SAP130: variants seen among roughly 807,000 people sequenced by gnomAD.
SAP130 encodes Sin3A associated protein 130.
In SAP130, 16 loss-of-function variants were observed where a neutral mutation model predicts 103.2. That is an observed-to-expected ratio of 0.16 (90% CI 0.10 to 0.24). The LOEUF (loss-of-function observed/expected upper bound fraction) is 0.24, where lower values mean the gene tolerates loss of function less well. SAP130 is among the 10% of genes least tolerant of loss of function. The pLI is 1.00. For missense variants in SAP130, 990 were observed against 1,359.7 expected (o/e 0.73, Z 4.28); for synonymous variants, 477 against 497.0 (o/e 0.96, Z 0.53).
chr2:127,993,206 G>A lies in SAP130; in HGVS notation c.1458C>T (p.Ser486=), dbSNP rs945971050. The A allele has an allele frequency of 3.6e-5, 58 of 1,613,882 alleles. No homozygotes were observed. Among genetic ancestry groups the A allele is most frequent in the Non-Finnish European group, 4.6e-5 (54 of 1,179,976 alleles). The part of the protein sequence containing the change: ...HTYTPITSSV[S]TIRQYPVSAQ... ...TCATACCTGGATACTGTCGGATAGT[G>A]GACACGGAACTGGTGATTGGGGTGT... Residue 486 remains serine (S), a synonymous_variant, in exon 12 of 21, where the codon TCC becomes TCT. Coordinates refer to ENST00000643581, the MANE Select transcript of SAP130 (RefSeq NM_001330301.2).
chr2:128,003,957 CTTTTTTTTTTTTTT>C (rs61211577), intron 7 of SAP130, among the ~76,000 whole-genome samples: 8,387 of 68,384 alleles, frequency 0.12, 467 homozygotes, highest in African/African-American at 0.27. Context: ...CACAGATCAG[CTTTTTTTTTTTTTT>C]TTTTTTTTTT....
chr2:127,977,897 G>C, intron 15 of SAP130, 88 bp downstream of exon 15: 1 of 1,013,628 alleles, frequency 9.9e-7, no homozygotes, highest in Non-Finnish European at 1.5e-6. Flanking sequence ...AACCTAACAA[G>C]ACTATGTCAT....
intron 10 of SAP130, among the ~76,000 whole-genome samples, chr2:127,999,008 A>G (rs542835972): frequency 7.2e-5 from 11 of 152,250 alleles, no homozygotes; most frequent in Non-Finnish European, 1.5e-4. Flanking sequence ...TACAAACAAA[A>G]CAAACTTCTT....
chr2:128,001,231 A>G (rs963389045), intron 7 of SAP130, among the ~76,000 whole-genome samples: 3 of 152,224 alleles, frequency 2.0e-5, no homozygotes, highest in Non-Finnish European at 4.4e-5. Flanking sequence ...ACAGTATAAC[A>G]AAGTTGGCTA....
At chr2:128,010,165 A>G (rs1381104434) in intron 7 of SAP130, 104 bp downstream of exon 7, 17 of 1,304,868 alleles carry the variant, frequency 1.3e-5, no homozygotes, top group Non-Finnish European at 1.8e-5. Flanking sequence ...TTATAAAAAA[A>G]AAAAGCCACT....
chr2:127,997,529 T>C (rs1375545295), intron 10 of SAP130, among the ~76,000 whole-genome samples: 11 of 152,148 alleles, frequency 7.2e-5, no homozygotes. Flanking sequence ...CTGGAGAAGT[T>C]TTCGCAGGGT....
Position 128,017,704 on chromosome 2 carries a change from A to T in SAP130, c.324T>A (p.Leu108=). The change falls in exon 3 of 21, where the codon CTT becomes CTA. Residue 108 remains leucine (L), a synonymous_variant. Coordinates refer to ENST00000643581, the MANE Select transcript of SAP130 (RefSeq NM_001330301.2). The stretch of plus-strand genomic sequence containing the variant: ...CCTTCATAAGTCCCTCCGAAAATGA[A>T]AGTGGCACTGCTGGCGTCAGGTGTG... ...PPAHLTPAVP[L]SFSEGLMKPP... is the part of the protein sequence containing the mutation. The T allele has an allele frequency of 6.2e-7, 1 of 1,614,224 alleles. No individual in the cohort carries two copies. The highest frequency in any genetic ancestry group is 1.1e-5 in the South Asian group (1 of 91,078).
chr2:128,026,168 T>G lies in SAP130; in HGVS notation c.112+13A>C. 6.5e-7 allele frequency: 1 copy of G among 1,544,756 alleles called. No individual in the cohort carries two copies. Among genetic ancestry groups the G allele is most frequent in the East Asian group, 2.2e-5 (1 of 44,510 alleles). ...AAGTAGGAAAAAATATATTAGAATA[T>G]TACATATCTCACCTGTAGCAGCTGG... On this transcript the variant is annotated intron_variant, in intron 2 of 20. Coordinates refer to ENST00000643581, the MANE Select transcript of SAP130 (RefSeq NM_001330301.2).
chr2:128,015,712 C>A (rs545553798), intron 4 of SAP130, among the ~76,000 whole-genome samples: 1 of 151,928 alleles, frequency 6.6e-6, no homozygotes, highest in African/African-American at 2.4e-5. Context: ...GAGGCCGAGG[C>A]GGGCAGATCA....
At chr2:128,021,144 G>C (rs560738526) in intron 2 of SAP130, among the ~76,000 whole-genome samples, 1 of 152,054 alleles carries the variant, frequency 6.6e-6, no homozygotes, top group Non-Finnish European at 1.5e-5. Context: ...AAAAGTACAA[G>C]TGCTGGATGA....
In SAP130 at chr2:127,952,711, G is replaced by A. The variant is rs1210812135; in HGVS notation, c.2422+2275C>T. Reference sequence around the variant, plus strand: ...ATCTTCCTTGATCTCTCAAGAGCATGTGATCCACCTGATCATTGTCTCCTC... The same window carrying A: ...ATCTTCCTTGATCTCTCAAGAGCATATGATCCACCTGATCATTGTCTCCTC... On this transcript the variant is annotated intron_variant, in intron 16 of 20. Coordinates refer to ENST00000643581, the MANE Select transcript of SAP130 (RefSeq NM_001330301.2). Among the ~76,000 whole-genome samples, 3 of 152,118 alleles carry A rather than the reference G, an allele frequency of 2.0e-5. No homozygotes were observed. The East Asian group carries it at 5.8e-4, about 29-fold the overall frequency.
chr2:128,010,414 GTTCA>G (rs781585369), intron 6 of SAP130, 21 bp from the exon 7 acceptor site: 3 of 1,594,780 alleles, frequency 1.9e-6, no homozygotes, highest in Admixed American at 1.8e-5. Context: ...AGAAAAAACA[GTTCA>G]TTTAAAACAA....
At chr2:128,010,514 A>T (rs941246541) in intron 6 of SAP130, 121 bp from the exon 7 acceptor site, 16 of 978,084 alleles carry the variant, frequency 1.6e-5, no homozygotes, top group Non-Finnish European at 2.2e-5. Flanking sequence ...AGTAAAAATA[A>T]ATTCTCACCA....
chr2:128,023,605 C>A lies in SAP130; in HGVS notation c.112+2576G>T, dbSNP rs572379067. ...CTATCCTGGCTAACACAGTGAAACACCGTCTCTACTAAAAAATACAAAAAA... is the reference window on the plus strand; with the variant it reads ...CTATCCTGGCTAACACAGTGAAACAACGTCTCTACTAAAAAATACAAAAAA... On this transcript the variant is annotated intron_variant, in intron 2 of 20. Coordinates refer to ENST00000643581, the MANE Select transcript of SAP130 (RefSeq NM_001330301.2). 5.3e-5 allele frequency among the ~76,000 whole-genome samples: 8 copies of A among 152,168 alleles called. No homozygotes were observed. The South Asian group carries it at 1.0e-3, about 20-fold the overall frequency.
At chr2:128,026,390 T>C in intron 1 of SAP130, 92 bp from the exon 2 acceptor site, 1 of 848,480 alleles carries the variant, frequency 1.2e-6, no homozygotes, top group Non-Finnish European at 1.9e-6. Context: ...TATGAGATAG[T>C]CCCTTGGAAA....
chr2:128,005,070 A>C (rs1262653729), intron 7 of SAP130, among the ~76,000 whole-genome samples: 2 of 152,224 alleles, frequency 1.3e-5, no homozygotes, highest in Non-Finnish European at 2.9e-5. Flanking sequence ...TAAAAACTTA[A>C]TGAAGTAACT....
chr2:127,941,918 G>T lies in SAP130; in HGVS notation c.*88C>A. On this transcript the variant is annotated 3_prime_UTR_variant, in exon 21 of 21. Coordinates refer to ENST00000643581, the MANE Select transcript of SAP130 (RefSeq NM_001330301.2). ...TAAGGAACACTTCCTTTATTTCAAT[G>T]TTCCACTTTGGAAAAAACCAAAACC... The T allele has an allele frequency of 1.1e-6, 1 of 889,514 alleles. No homozygotes were observed. Among genetic ancestry groups the T allele is most frequent in the Non-Finnish European group, 1.8e-6 (1 of 566,614 alleles). 55.1% of individuals were successfully genotyped at this position (889,514 alleles called of 1,614,324 possible). A position where few individuals can be genotyped will look rare whatever the true frequency, so the allele number is the denominator to read the frequency against.
intron 18 of SAP130, among the ~76,000 whole-genome samples, chr2:127,948,578 G>A (rs1011160676): frequency 2.6e-5 from 4 of 151,902 alleles, no homozygotes; most frequent in African/African-American, 9.7e-5. Flanking sequence ...CTGACCTCCA[G>A]TGATCCGCCC....
intron 15 of SAP130, among the ~76,000 whole-genome samples, 161 bp downstream of exon 15, chr2:127,977,824 G>C (rs992425446): frequency 6.6e-6 from 1 of 151,616 alleles, no homozygotes; most frequent in Non-Finnish European, 1.5e-5. Flanking sequence ...CAAGGCTGTC[G>C]TGTGTTACAA....
Sources: gnomAD v4.1 joint callset for allele counts (sites outside exome capture counted in the v4.1 genomes callset) on GRCh38, gnomAD v4.1.1 for gene constraint, MANE v1.5 for transcripts, NCBI Gene and HGNC (gene_info 2026-07-23, HGNC 2026-07-21) for gene names.